Variants in SEZ6L observed in about 807,000 individuals in gnomAD.
The protein encoded by SEZ6L is seizure 6-like protein.
Under a neutral mutation model 106.2 loss-of-function variants are expected in SEZ6L, and 37 were observed. The observed-to-expected ratio is 0.35, with a 90% CI of 0.27 to 0.46. The LOEUF (loss-of-function observed/expected upper bound fraction) is 0.46. SEZ6L is among the 20% of genes least tolerant of loss of function. The probability of loss-of-function intolerance (pLI) is 1.00; values close to 1 mark genes in which losing one functional copy is unlikely to be tolerated. For synonymous variants in SEZ6L, 541 were observed against 570.4 expected (o/e 0.95, Z 0.73); for missense variants, 1,172 against 1,332.8 (o/e 0.88, Z 1.88).
At chr22:26,179,961 C>T in intron 1 of SEZ6L, among the ~76,000 whole-genome samples, 1 of 152,188 alleles carries the variant, frequency 6.6e-6, no homozygotes, top group Non-Finnish European at 1.5e-5. Context: ...TTGAGTTCCT[C>T]AGTCCTACTA....
At chr22:26,204,725 T>G (rs554244586) in intron 1 of SEZ6L, among the ~76,000 whole-genome samples, 1 of 152,210 alleles carries the variant, frequency 6.6e-6, no homozygotes, top group Admixed American at 6.5e-5. Flanking sequence ...GGTCGAAGAG[T>G]GTTCTGCCAG....
chr22:26,204,537 A>T (rs576969317), intron 1 of SEZ6L, among the ~76,000 whole-genome samples: 1 of 152,258 alleles, frequency 6.6e-6, no homozygotes, highest in South Asian at 2.1e-4. Context: ...TCACACAGCT[A>T]TAAGTGGTAT....
intron 1 of SEZ6L, among the ~76,000 whole-genome samples, chr22:26,280,618 C>G (rs1432472922): frequency 6.6e-6 from 1 of 152,134 alleles, no homozygotes; most frequent in Non-Finnish European, 1.5e-5. Flanking sequence ...AAACTGCACC[C>G]TACACCTCCA....
intron 1 of SEZ6L, among the ~76,000 whole-genome samples, chr22:26,275,990 G>T (rs1207595103): frequency 6.6e-6 from 1 of 152,124 alleles, no homozygotes; most frequent in Non-Finnish European, 1.5e-5. Context: ...CCTCACTGGG[G>T]CATAAGTGTG....
chr22:26,359,417 G>A (rs1334465371), intron 12 of SEZ6L, among the ~76,000 whole-genome samples: 1 of 152,132 alleles, frequency 6.6e-6, no homozygotes, highest in African/African-American at 2.4e-5. Context: ...GGACCACCTG[G>A]ATTTGAATCT....
At chr22:26,346,478 G>A (rs2083011771) in intron 10 of SEZ6L, among the ~76,000 whole-genome samples, 1 of 152,196 alleles carries the variant, frequency 6.6e-6, no homozygotes, top group Non-Finnish European at 1.5e-5. Flanking sequence ...CTGTGTCATA[G>A]ATTATACCCC....
At chr22:26,195,290 A>T (rs1208304181) in intron 1 of SEZ6L, among the ~76,000 whole-genome samples, 1 of 152,214 alleles carries the variant, frequency 6.6e-6, no homozygotes, top group Non-Finnish European at 1.5e-5. Context: ...TCTTCAGAGT[A>T]TTAGGAATTA....
Position 26,338,127 on chromosome 22 carries a change from C to T in SEZ6L, c.2016-2309C>T, listed in dbSNP as rs2082701471. 2.0e-5 allele frequency among the ~76,000 whole-genome samples: 3 copies of T among 152,280 alleles called. No individual in the cohort carries two copies. The South Asian group carries it at 6.2e-4, about 32-fold the overall frequency. On this transcript the variant is annotated intron_variant, in intron 9 of 16. Transcript: ENST00000248933. ...TCAGGAACTCTGCTCAGGGCCATTT[C>T]CCAGAACACCTCTCCTCTGGCATTG...
At chr22:26,190,912 A>C (rs79486025) in intron 1 of SEZ6L, among the ~76,000 whole-genome samples, 2,370 of 152,366 alleles carry the variant, frequency 0.016, 57 homozygotes, top group African/African-American at 0.054. Flanking sequence ...TGAATTAAGC[A>C]GATATGTTTC....
chr22:26,284,515 T>C, intron 1 of SEZ6L, among the ~76,000 whole-genome samples: 1 of 138,198 alleles, frequency 7.2e-6, no homozygotes, highest in African/African-American at 2.7e-5. Flanking sequence ...GAGATTGAAA[T>C]GGGAGGATCG....
chr22:26,277,437 G>A (rs577282361), intron 1 of SEZ6L, among the ~76,000 whole-genome samples: 7 of 152,328 alleles, frequency 4.6e-5, no homozygotes, highest in Admixed American at 1.3e-4. Context: ...CTGTACGACC[G>A]TGGCATATGC....
At chr22:26,208,170 C>T (rs1436586658) in intron 1 of SEZ6L, among the ~76,000 whole-genome samples, 1 of 152,150 alleles carries the variant, frequency 6.6e-6, no homozygotes, top group Non-Finnish European at 1.5e-5. Context: ...CCGTCTCGGC[C>T]TCCCAAAGTG....
intron 1 of SEZ6L, chr22:26,241,182 C>T (rs2079118463): frequency 6.6e-6 from 1 of 152,234 alleles, no homozygotes; most frequent in Non-Finnish European, 1.5e-5. Flanking sequence ...GGTCACAGAG[C>T]TAGCAAGGGA....
At chr22:26,186,150 G>A (rs12158796) in intron 1 of SEZ6L, among the ~76,000 whole-genome samples, 31,650 of 151,842 alleles carry the variant, frequency 0.21, 3,512 homozygotes, top group Non-Finnish European at 0.25. Context: ...TCCTACACTT[G>A]CAGGGGAACG....
chr22:26,270,927 G>A (rs1373249072), intron 1 of SEZ6L, among the ~76,000 whole-genome samples: 1 of 152,204 alleles, frequency 6.6e-6, no homozygotes, highest in Non-Finnish European at 1.5e-5. Flanking sequence ...TTCATGCTTA[G>A]TTAAAGAGGA....
intron 3 of SEZ6L, among the ~76,000 whole-genome samples, chr22:26,295,140 C>T (rs751493465): frequency 3.9e-5 from 6 of 152,298 alleles, no homozygotes; most frequent in Non-Finnish European, 7.3e-5. Flanking sequence ...CCTCTCTGAG[C>T]CTCAGTTTCC....
At position 26,311,814 on chromosome 22, in the gene SEZ6L, C is replaced by T; in HGVS notation, c.1728C>T (p.Asn576=). 6.2e-7 allele frequency: 1 copy of T among 1,614,226 alleles called. No homozygotes were observed. The highest frequency in any genetic ancestry group is 8.5e-7 in the Non-Finnish European group (1 of 1,180,042). Residue 576 remains asparagine, a synonymous_variant, in exon 8 of 17, where the codon AAC becomes AAT. Coordinates refer to ENST00000248933, the MANE Select transcript of SEZ6L (RefSeq NM_021115.5). ...HCYEPYIQNG[N]FTTSDPTYNI... ...ATGAGCCCTACATCCAGAATGGGAA[C>T]TTCACTACATCCGACCCGACCTATA...
At chr22:26,375,518 C>T in intron 14 of SEZ6L, 57 bp from the exon 15 acceptor site, 1 of 1,409,232 alleles carries the variant, frequency 7.1e-7, no homozygotes, top group East Asian at 2.3e-5. Flanking sequence ...GGCAGTTGGG[C>T]ACTCACTGGG....
In SEZ6L at chr22:26,331,182, A is replaced by C. The variant is rs151248094; in HGVS notation, c.2016-9254A>C. 2.4e-4 allele frequency among the ~76,000 whole-genome samples: 36 copies of C among 152,340 alleles called. No individual in the cohort carries two copies. In the East Asian group the frequency reaches 6.8e-3, roughly 29 times the overall value. On this transcript the variant is annotated intron_variant, in intron 9 of 16. Coordinates refer to ENST00000248933, the MANE Select transcript of SEZ6L (RefSeq NM_021115.5). ...GTCAGCCCATTCCATGCTTAGGCAT[A>C]CACTGCCCTCTGCAGGTGAGCAGCA...
Sources: allele counts gnomAD v4.1 joint callset (sites outside exome capture counted in the v4.1 genomes callset), GRCh38; gene constraint gnomAD v4.1.1; transcripts MANE v1.5; gene names NCBI Gene and HGNC (gene_info 2026-07-23, HGNC 2026-07-21).